Variants in ZNF236 observed in about 807,000 individuals in gnomAD.
ZNF236 encodes zinc finger protein 236.
A neutral mutation model predicts 191.2 loss-of-function variants in ZNF236; 50 were observed. The ratio of observed to expected loss-of-function variants is 0.26; its 90% CI spans 0.21 to 0.33. The LOEUF (loss-of-function observed/expected upper bound fraction) is 0.33. Among genes scored for constraint, ZNF236 ranks in the 10% least tolerant of loss-of-function variants. The pLI is 1.00. For missense variants in ZNF236, 1,754 were observed against 2,374.5 expected, an observed-to-expected ratio of 0.74 and a Z score of 5.43; for synonymous variants, 907 against 928.8, an observed-to-expected ratio of 0.98 and a Z score of 0.43.
intron 7 of ZNF236, among the ~76,000 whole-genome samples, 169 bp from the exon 8 acceptor site, chr18:76,879,944 C>T (rs1361890592): frequency 1.3e-5 from 2 of 151,610 alleles, no homozygotes; most frequent in Non-Finnish European, 2.9e-5. Context: ...GAGCCAATAT[C>T]GTGCCAAACA....
chr18:76,849,481 G>A, intron 1 of ZNF236, 45 bp from the exon 2 acceptor site: 1 of 1,477,310 alleles, frequency 6.8e-7, no homozygotes, highest in Non-Finnish European at 9.1e-7. Context: ...TATGTGATGA[G>A]AATAACAACT....
rs58383689 is a variant in ZNF236, at chr18:76,961,367, TTGTGTGTGTGTGTG to T, written c.5419+538_5419+551del. On this transcript the variant is annotated intron_variant, in intron 30 of 30. Coordinates refer to ENST00000320610, the MANE Select transcript of ZNF236 (RefSeq NM_001306089.2). ...CTTTTTATGGCTGAGTAGTATTCCA[TTGTGTGTGTGTGTG>T]TGTGTGTGTGTGTGTGTGTGTGTGT... 2.7e-4 allele frequency among the ~76,000 whole-genome samples: 40 copies of T among 146,944 alleles called. No individual in the cohort carries two copies. In the South Asian group the frequency reaches 3.3e-3, roughly 12 times the overall value.
intron 13 of ZNF236, among the ~76,000 whole-genome samples, chr18:76,906,434 C>A (rs1977741713): frequency 6.6e-6 from 1 of 152,134 alleles, no homozygotes; most frequent in Non-Finnish European, 1.5e-5. Flanking sequence ...AACTCGGGGG[C>A]ACATGGATGT....
In ZNF236 at chr18:76,959,825, G is replaced by A. The variant is rs762634741; in HGVS notation, c.5242+9G>A. 6.2e-7 allele frequency: 1 copy of A among 1,611,766 alleles called. No individual in the cohort carries two copies. Among genetic ancestry groups the A allele is most frequent in the South Asian group, 1.1e-5 (1 of 90,658 alleles). ...CAGCCGCATACATACAGGTAACGGGGAAGGACGTGCTTTTGTTTCCTTACT... is the reference window on the plus strand; with the variant it reads ...CAGCCGCATACATACAGGTAACGGGAAAGGACGTGCTTTTGTTTCCTTACT... On this transcript the variant is annotated intron_variant, in intron 29 of 30. Coordinates refer to ENST00000320610, the MANE Select transcript of ZNF236 (RefSeq NM_001306089.2).
chr18:76,910,909 A>G, intron 16 of ZNF236, 98 bp downstream of exon 16: 2 of 1,373,454 alleles, frequency 1.5e-6, no homozygotes, highest in South Asian at 1.4e-5. Flanking sequence ...GGAAATTTTA[A>G]GAGGCATGCT....
intron 1 of ZNF236, chr18:76,834,604 A>G (rs1248377432): frequency 2.2e-6 from 1 of 457,668 alleles, no homozygotes; most frequent in African/African-American, 2.0e-5. Flanking sequence ...GAATGCCTGT[A>G]TGCACAGTTG....
At chr18:76,878,458 T>A (rs1976778875) in intron 7 of ZNF236, among the ~76,000 whole-genome samples, 1 of 152,250 alleles carries the variant, frequency 6.6e-6, no homozygotes, top group Non-Finnish European at 1.5e-5. Context: ...AATTTAAGAA[T>A]TAATTATCCT....
chr18:76,883,115 A>C (rs1976944205), intron 9 of ZNF236, among the ~76,000 whole-genome samples: 1 of 152,016 alleles, frequency 6.6e-6, no homozygotes, highest in Non-Finnish European at 1.5e-5. Context: ...CTTCACCCGC[A>C]TGTGCTGGTG....
At chr18:76,895,475 A>T (rs1977376713) in intron 10 of ZNF236, 190 bp downstream of exon 10, 2 of 771,274 alleles carry the variant, frequency 2.6e-6, no homozygotes. Context: ...TGCAGCACCC[A>T]CACCGGTACT....
chr18:76,832,214 A>G (rs1467804787), intron 1 of ZNF236, among the ~76,000 whole-genome samples: 1 of 152,018 alleles, frequency 6.6e-6, no homozygotes, highest in Non-Finnish European at 1.5e-5. Context: ...TGAGTAGCTC[A>G]GATTACAGGT....
chr18:76,927,047 C>T lies in ZNF236; in HGVS notation c.4038C>T (p.Asp1346=), dbSNP rs1412345264. ...ILPASVSAGG[D]LTVSLTDGSL... is the part of the protein sequence containing the mutation. ...TCTTTCTCTGGCCAGCTGGGGGTGA[C>T]CTGACCGTGTCTCTGACAGATGGGA... The change falls in exon 23 of 31, where the codon GAC becomes GAT. Residue 1346 remains aspartate, a synonymous_variant. Transcript: ENST00000320610. This position sits in a 1 kb window ranked among gnomAD's most constrained non-coding sequence, Gnocchi z 5.4. 1.2e-6 allele frequency: 2 copies of T among 1,611,354 alleles called. No homozygotes were observed. The highest frequency in any genetic ancestry group is 1.7e-5 in the Admixed American group (1 of 59,970).
At chr18:76,827,790 A>G (rs1463080499) in intron 1 of ZNF236, among the ~76,000 whole-genome samples, 1 of 152,230 alleles carries the variant, frequency 6.6e-6, no homozygotes, top group Non-Finnish European at 1.5e-5. Context: ...CCCTGGCACT[A>G]TCCTGGGGAT....
At chr18:76,857,759 G>A (rs779014871) in intron 3 of ZNF236, among the ~76,000 whole-genome samples, 1 of 152,048 alleles carries the variant, frequency 6.6e-6, no homozygotes, top group African/African-American at 2.4e-5. Flanking sequence ...AGAAGCAAAT[G>A]TTTGTATGTT....
Position 76,956,074 on chromosome 18 carries a change from C to T in ZNF236, c.5004C>T (p.Phe1668=). 6.2e-7 allele frequency: 1 copy of T among 1,604,034 alleles called. No individual in the cohort carries two copies. The highest frequency in any genetic ancestry group is 8.5e-7 in the Non-Finnish European group (1 of 1,176,390). ...AGTGCCTGGAGTGTGACCGCGCCTT[C>T]TCATCGGCGGCGGTGCTCATGCACC... ...AHQCLECDRA[F]SSAAVLMHHS... The change falls in exon 28 of 31, where the codon TTC becomes TTT. Residue 1668 remains phenylalanine (F), a synonymous_variant. Transcript: ENST00000320610.
intron 30 of ZNF236, 40 bp from the exon 31 acceptor site, chr18:76,968,175 A>G: frequency 6.2e-7 from 1 of 1,612,036 alleles, no homozygotes; most frequent in Non-Finnish European, 8.5e-7. Context: ...GTGCTCTGGA[A>G]GGTCTGAGGC....
intron 10 of ZNF236, among the ~76,000 whole-genome samples, chr18:76,898,645 G>A (rs1476733893): frequency 2.6e-5 from 4 of 152,188 alleles, no homozygotes; most frequent in Admixed American, 6.5e-5. Context: ...GTTAGCTTAC[G>A]TAATCTCAGC....
chr18:76,878,273 AG>A (rs1249567214), intron 7 of ZNF236, 121 bp downstream of exon 7: 2 of 891,922 alleles, frequency 2.2e-6, no homozygotes, highest in Non-Finnish European at 3.2e-6. Flanking sequence ...TATGGAGAAA[AG>A]GTGCTACTTT....
At chr18:76,865,579 G>T (rs769846378) in intron 3 of ZNF236, among the ~76,000 whole-genome samples, 17 of 152,194 alleles carry the variant, frequency 1.1e-4, no homozygotes, top group Non-Finnish European at 1.9e-4. Context: ...AGGTCTGGGG[G>T]AGCTGCTGTT....
chr18:76,874,095 G>T (rs901765447), intron 5 of ZNF236, among the ~76,000 whole-genome samples: 1 of 133,796 alleles, frequency 7.5e-6, no homozygotes, highest in African/African-American at 2.9e-5. Context: ...CCTCCTGCCC[G>T]CCTGTCCTCC....
Sources: allele counts gnomAD v4.1 joint callset (sites outside exome capture counted in the v4.1 genomes callset), GRCh38; gene constraint gnomAD v4.1.1; non-coding constraint Gnocchi (gnomAD v3.1); transcripts MANE v1.5; gene names NCBI Gene and HGNC (gene_info 2026-07-23, HGNC 2026-07-21).